The following TSHZ1 variants were observed in gnomAD, a reference collection of about 807,000 sequenced individuals.
TSHZ1 encodes the protein teashirt homolog 1.
Under a neutral mutation model 67.1 loss-of-function variants are expected in TSHZ1, and 12 were observed. The observed-to-expected ratio is 0.18, with a 90% CI of 0.11 to 0.29. TSHZ1 has a LOEUF of 0.29. Ranked by LOEUF, TSHZ1 falls within the 10% of genes least tolerant of loss-of-function variation. The pLI is 1.00. For synonymous variants in TSHZ1, 632 were observed against 622.4 expected (o/e 1.02, Z -0.23); for missense variants, 1,305 against 1,413.9 (o/e 0.92, Z 1.23).
intron 1 of TSHZ1, among the ~76,000 whole-genome samples, chr18:75,259,096 G>C (rs2023398830): frequency 6.6e-6 from 1 of 152,050 alleles, no homozygotes. Flanking sequence ...GCCCACATAG[G>C]TCTATGAAAA....
At chr18:75,250,187 G>T (rs115787563) in intron 1 of TSHZ1, among the ~76,000 whole-genome samples, 41 of 151,884 alleles carry the variant, frequency 2.7e-4, no homozygotes, top group African/African-American at 9.9e-4. Context: ...CAGTAGGTGG[G>T]GGGGTGACCT....
At chr18:75,223,698 T>C (rs1568352744) in intron 1 of TSHZ1, among the ~76,000 whole-genome samples, 1 of 151,090 alleles carries the variant, frequency 6.6e-6, no homozygotes, top group Non-Finnish European at 1.5e-5. Flanking sequence ...ACCTCCTCAC[T>C]CGAGTTTGTA....
rs934359613 is a variant in TSHZ1, at chr18:75,211,850, A to C, written c.-27A>C. ...GCCCCGCGAACTCCGGCGGCGGCTG[A>C]GGCGACGGCTGCGGCGGCCGAGCAG... On this transcript the variant is annotated 5_prime_UTR_variant, in exon 1 of 2. An upstream open reading frame in the 5' UTR loses its in-frame stop. Coordinates refer to ENST00000580243, the MANE Select transcript of TSHZ1 (RefSeq NM_001308210.2). 9.5e-6 allele frequency: 11 copies of C among 1,157,984 alleles called. No individual in the cohort carries two copies. Among genetic ancestry groups the C allele is most frequent in the Admixed American group, 4.7e-5 (1 of 21,054 alleles). 71.7% of individuals were successfully genotyped at this position (1,157,984 alleles called of 1,614,324 possible). A position where few individuals can be genotyped will look rare whatever the true frequency, so the allele number is the denominator to read the frequency against.
chr18:75,269,528 C>T (rs957170524), intron 1 of TSHZ1, among the ~76,000 whole-genome samples: 2 of 151,998 alleles, frequency 1.3e-5, no homozygotes, highest in African/African-American at 2.4e-5. Flanking sequence ...GCCTGTTTGT[C>T]GAGGGGCAGC....
At chr18:75,240,887 C>A (rs1185434972) in intron 1 of TSHZ1, among the ~76,000 whole-genome samples, 1 of 152,148 alleles carries the variant, frequency 6.6e-6, no homozygotes, top group East Asian at 1.9e-4. Context: ...GTTTAAAAAC[C>A]TGCTATTTAG....
chr18:75,247,304 C>T (rs2023236063), intron 1 of TSHZ1, among the ~76,000 whole-genome samples: 1 of 152,174 alleles, frequency 6.6e-6, no homozygotes, highest in Admixed American at 6.5e-5. Flanking sequence ...AGAGGTACCC[C>T]AGAGGGCCAC....
chr18:75,211,790 G>A lies in TSHZ1; in HGVS notation c.-87G>A. 4 of 901,874 alleles carry A rather than the reference G, an allele frequency of 4.4e-6. No individual in the cohort carries two copies. Among genetic ancestry groups the A allele is most frequent in the Non-Finnish European group, 5.3e-6 (4 of 749,458 alleles). The allele number at this position is 901,874 out of a possible 1,614,324, so 55.9% of individuals were successfully genotyped here. On this transcript the variant is annotated 5_prime_UTR_variant, in exon 1 of 2. Coordinates refer to ENST00000580243, the MANE Select transcript of TSHZ1 (RefSeq NM_001308210.2). ...CGAGGCCAAAGTTGGGCGCGCCGCG[G>A]AGTTGCGCCCGCGCCCGGGGCCCCG...
chr18:75,237,558 A>G lies in TSHZ1; in HGVS notation c.40+25642A>G, dbSNP rs114216359. On this transcript the variant is annotated intron_variant, in intron 1 of 1. Coordinates refer to ENST00000580243, the MANE Select transcript of TSHZ1 (RefSeq NM_001308210.2). Reference sequence around the variant, plus strand: ...AAGAACAGTCATATATCTTACATGCATGCATATATATGTGTGTATACATAT... The same window carrying G: ...AAGAACAGTCATATATCTTACATGCGTGCATATATATGTGTGTATACATAT... Among the ~76,000 whole-genome samples the G allele has an allele frequency of 2.7e-3, 412 of 152,228 alleles. 2 individuals carry two copies. Among genetic ancestry groups the G allele is most frequent in the Middle Eastern group, 0.014 (4 of 294 alleles).
At chr18:75,265,546 A>G (rs967979381) in intron 1 of TSHZ1, among the ~76,000 whole-genome samples, 1 of 152,230 alleles carries the variant, frequency 6.6e-6, no homozygotes, top group African/African-American at 2.4e-5. Context: ...GCTAAGGAGA[A>G]TGGTTTTCTT....
At chr18:75,278,282 C>T (rs2023639943) in intron 1 of TSHZ1, among the ~76,000 whole-genome samples, 1 of 152,040 alleles carries the variant, frequency 6.6e-6, no homozygotes, top group African/African-American at 2.4e-5. Context: ...GGCTGGCTTC[C>T]CAAAGTGATT....
intron 1 of TSHZ1, among the ~76,000 whole-genome samples, chr18:75,237,562 A>T (rs183208376): frequency 1.3e-5 from 2 of 152,192 alleles, no homozygotes; most frequent in Admixed American, 1.3e-4. Context: ...ACATGCATGC[A>T]TATATATGTG....
chr18:75,241,032 C>T (rs554799195), intron 1 of TSHZ1, among the ~76,000 whole-genome samples: 2 of 152,314 alleles, frequency 1.3e-5, no homozygotes, highest in Admixed American at 6.5e-5. Flanking sequence ...GGGCAGAGCC[C>T]TCATTACATT....
intron 1 of TSHZ1, among the ~76,000 whole-genome samples, chr18:75,215,455 C>T (rs1050988172): frequency 3.9e-5 from 6 of 152,220 alleles, no homozygotes; most frequent in Admixed American, 2.6e-4. Context: ...CACACACACA[C>T]AAAGAAAACT....
chr18:75,273,476 T>G (rs558156507), intron 1 of TSHZ1, among the ~76,000 whole-genome samples: 23 of 152,380 alleles, frequency 1.5e-4, no homozygotes, highest in African/African-American at 5.3e-4. Flanking sequence ...AGTCTTGTTT[T>G]CTTTAAAGAA....
chr18:75,255,326 A>G (rs2023350135), intron 1 of TSHZ1, among the ~76,000 whole-genome samples: 1 of 152,166 alleles, frequency 6.6e-6, no homozygotes, highest in Non-Finnish European at 1.5e-5. Context: ...CTGCTCTTCC[A>G]TGCCTGGTAG....
intron 1 of TSHZ1, among the ~76,000 whole-genome samples, chr18:75,227,222 G>A (rs910995012): frequency 1.3e-5 from 2 of 151,824 alleles, no homozygotes; most frequent in Non-Finnish European, 2.9e-5. Flanking sequence ...GCAGAAGTTT[G>A]GTCTTCTATT....
chr18:75,237,142 C>T (rs2023083481), intron 1 of TSHZ1, among the ~76,000 whole-genome samples: 1 of 152,198 alleles, frequency 6.6e-6, no homozygotes, highest in South Asian at 2.1e-4. Context: ...ATCCTGAGAT[C>T]TGTTCTTGAC....
rs184417949 is a variant in TSHZ1 at position 75,275,247 on chromosome 18, G to A, written c.41-10201G>A. ...AAGCCCTTTGTGGGTTTTGGAGACT[G>A]TGGAAGACCCCTTCACTCCTTGATT... On this transcript the variant is annotated intron_variant, in intron 1 of 1. Coordinates refer to ENST00000580243, the MANE Select transcript of TSHZ1 (RefSeq NM_001308210.2). Among the ~76,000 whole-genome samples the A allele has an allele frequency of 7.2e-5, 11 of 152,314 alleles. No homozygotes were observed. In the East Asian group the frequency reaches 1.5e-3, roughly 21 times the overall value.
At chr18:75,245,425 A>G (rs1365742186) in intron 1 of TSHZ1, 2 of 152,170 alleles carry the variant, frequency 1.3e-5, no homozygotes, top group African/African-American at 4.8e-5. Context: ...ATTTTTAACT[A>G]TGTAATTGGT....
Sources: gnomAD v4.1 joint callset for allele counts (sites outside exome capture counted in the v4.1 genomes callset) on GRCh38, gnomAD v4.1.1 for gene constraint, MANE v1.5 for transcripts, NCBI Gene and HGNC (gene_info 2026-07-23, HGNC 2026-07-21) for gene names.